ARHGAP42: variants seen among roughly 807,000 people sequenced by gnomAD.
The protein encoded by ARHGAP42 is Rho GTPase activating protein 42.
Under a neutral mutation model 125.0 loss-of-function variants are expected in ARHGAP42, and 63 were observed. That is an observed-to-expected ratio of 0.50 (90% CI 0.41 to 0.62). The LOEUF is 0.62. Ranked by LOEUF, ARHGAP42 falls within the 20% of genes least tolerant of loss-of-function variation. The pLI is 0.00. For missense variants in ARHGAP42, 766 were observed against 1,024.2 expected, an observed-to-expected ratio of 0.75 and a Z score of 3.44; for synonymous variants, 339 against 351.0, an observed-to-expected ratio of 0.97 and a Z score of 0.38.
intron 1 of ARHGAP42, among the ~76,000 whole-genome samples, chr11:100,766,752 A>T (rs184868675): frequency 6.6e-6 from 1 of 152,174 alleles, no homozygotes; most frequent in Non-Finnish European, 1.5e-5. Flanking sequence ...TGACCTCATC[A>T]TTACTTCGGC....
rs140273592 is a variant in ARHGAP42 at position 100,763,573 on chromosome 11, C to T, written c.155-6770C>T. 3.8e-3 allele frequency among the ~76,000 whole-genome samples: 572 copies of T among 152,222 alleles called. 9 individuals are homozygous for T. Among genetic ancestry groups the T allele is most frequent in the Admixed American group, 0.027 (420 of 15,286 alleles). ...CATGATCTTGACTGGCTGCAACCTC[C>T]GCCCCCCGGGTTCAAGCAATTCTCC... is the stretch of plus-strand genomic sequence containing the variant. On this transcript the variant is annotated intron_variant, in intron 1 of 23. Transcript: ENST00000298815.
At chr11:100,770,775 C>A (rs1862955597) in intron 2 of ARHGAP42, among the ~76,000 whole-genome samples, 2 of 152,230 alleles carry the variant, frequency 1.3e-5, no homozygotes, top group Admixed American at 1.3e-4. Context: ...CACAGGATTT[C>A]ACCATTTTGG....
At chr11:100,822,347 G>A (rs1864422859) in intron 3 of ARHGAP42, among the ~76,000 whole-genome samples, 1 of 152,026 alleles carries the variant, frequency 6.6e-6, no homozygotes, top group African/African-American at 2.4e-5. Context: ...GTCCAAATGA[G>A]TTTCTATTGA....
intron 4 of ARHGAP42, among the ~76,000 whole-genome samples, chr11:100,896,585 A>ATCTAGTGATGATCAT (rs1866371488): frequency 6.6e-6 from 1 of 152,126 alleles, no homozygotes; most frequent in Non-Finnish European, 1.5e-5. Context: ...TTCTCTGATG[A>ATCTAGTGATGATCAT]CTAGTGATGA....
In ARHGAP42 at chr11:100,790,423, C is replaced by T. The variant is rs982519473; in HGVS notation, c.251-4682C>T. On this transcript the variant is annotated intron_variant, in intron 2 of 23. Transcript: ENST00000298815. ...AAACCAATGGTAATGTTCTTAAACT[C>T]AATAATTTGTTAGAAAGTTAAAATT... Among the ~76,000 whole-genome samples, 2 of 151,928 alleles carry T rather than the reference C, an allele frequency of 1.3e-5. 1 individual carries two copies. The highest frequency in any genetic ancestry group is 2.9e-5 in the Non-Finnish European group (2 of 67,976).
At chr11:100,907,397 T>C (rs607889) in intron 4 of ARHGAP42, among the ~76,000 whole-genome samples, 138,486 of 152,284 alleles carry the variant, frequency 0.91, 63,137 homozygotes, top group East Asian at 1. Flanking sequence ...TGAGTTTGAT[T>C]ACCTGGTGGT....
At chr11:100,978,882 T>C (rs1289627834) in intron 21 of ARHGAP42, 105 bp from the exon 22 acceptor site, 2 of 1,185,374 alleles carry the variant, frequency 1.7e-6, no homozygotes, top group Non-Finnish European at 2.4e-6. Flanking sequence ...TGGCAATGGT[T>C]CTCAACCATT....
Position 100,992,635 on chromosome 11 carries a change from C to T in ARHGAP42, c.*3834C>T, listed in dbSNP as rs753344919. 5 of 1,612,976 alleles carry T rather than the reference C, an allele frequency of 3.1e-6. No homozygotes were observed. In the Admixed American group the frequency reaches 8.3e-5, roughly 27 times the overall value. Reference sequence around the variant, plus strand: ...TATCCCTCATTGTCACCGTTATCCCCCTGCTTCAAAATGTGCCAGTTCCAC... The same window carrying T: ...TATCCCTCATTGTCACCGTTATCCCTCTGCTTCAAAATGTGCCAGTTCCAC... On this transcript the variant is annotated 3_prime_UTR_variant, in exon 24 of 24. Coordinates refer to ENST00000298815, the MANE Select transcript of ARHGAP42 (RefSeq NM_152432.4).
At chr11:100,762,211 T>A (rs1459652904) in intron 1 of ARHGAP42, among the ~76,000 whole-genome samples, 9 of 152,212 alleles carry the variant, frequency 5.9e-5, no homozygotes, top group African/African-American at 2.2e-4. Context: ...TAAAAATGAA[T>A]GAGACTGCCT....
intron 16 of ARHGAP42, among the ~76,000 whole-genome samples, chr11:100,964,055 A>G (rs1269870842): frequency 6.6e-6 from 1 of 151,950 alleles, no homozygotes; most frequent in African/African-American, 2.4e-5. Flanking sequence ...CTTATATATA[A>G]GAACTCATCT....
chr11:100,900,868 G>A (rs973922853), intron 4 of ARHGAP42, among the ~76,000 whole-genome samples: 4 of 152,198 alleles, frequency 2.6e-5, no homozygotes, highest in Admixed American at 2.0e-4. Flanking sequence ...CGTTATTACC[G>A]ACCTTCTGAA....
At chr11:100,914,570 C>G (rs1867014440) in intron 5 of ARHGAP42, among the ~76,000 whole-genome samples, 1 of 152,126 alleles carries the variant, frequency 6.6e-6, no homozygotes, top group Non-Finnish European at 1.5e-5. Context: ...TCCTCCGCCT[C>G]CTGGTGTACT....
At chr11:100,874,580 C>T (rs1025059992) in intron 4 of ARHGAP42, among the ~76,000 whole-genome samples, 14 of 152,104 alleles carry the variant, frequency 9.2e-5, no homozygotes, top group Non-Finnish European at 1.5e-4. Context: ...CTTCTGGAGC[C>T]CCCGTATTTT....
intron 2 of ARHGAP42, among the ~76,000 whole-genome samples, chr11:100,771,415 T>C (rs528316653): frequency 6.6e-6 from 1 of 152,218 alleles, no homozygotes; most frequent in South Asian, 2.1e-4. Context: ...CTTATAGATG[T>C]GTGGTCCCTT....
chr11:100,775,530 C>G (rs1386630068), intron 2 of ARHGAP42, among the ~76,000 whole-genome samples: 1 of 152,164 alleles, frequency 6.6e-6, no homozygotes, highest in Non-Finnish European at 1.5e-5. Context: ...AGCCTTAAAA[C>G]CTTACTGATA....
chr11:100,963,367 T>C (rs1858008435), intron 16 of ARHGAP42, among the ~76,000 whole-genome samples: 1 of 152,212 alleles, frequency 6.6e-6, no homozygotes, highest in African/African-American at 2.4e-5. Context: ...TTGTAAACCA[T>C]TGAGACTGAA....
intron 4 of ARHGAP42, among the ~76,000 whole-genome samples, chr11:100,870,525 C>G (rs926134392): frequency 6.6e-6 from 1 of 152,166 alleles, no homozygotes; most frequent in African/African-American, 2.4e-5. Flanking sequence ...ACTATTTTTA[C>G]TTATAGGTTC....
intron 1 of ARHGAP42, among the ~76,000 whole-genome samples, chr11:100,705,630 G>A (rs1365101702): frequency 1.3e-5 from 2 of 152,160 alleles, no homozygotes; most frequent in African/African-American, 4.8e-5. Context: ...TTAGACCAGA[G>A]TTATAAATAA....
chr11:100,778,442 G>A (rs1473970389), intron 2 of ARHGAP42, among the ~76,000 whole-genome samples: 1 of 152,074 alleles, frequency 6.6e-6, no homozygotes, highest in Non-Finnish European at 1.5e-5. Context: ...GTGTATTAAA[G>A]TGGAACATTT....
Sources: allele counts gnomAD v4.1 joint callset (sites outside exome capture counted in the v4.1 genomes callset), GRCh38; gene constraint gnomAD v4.1.1; transcripts MANE v1.5; gene names NCBI Gene and HGNC (gene_info 2026-07-23, HGNC 2026-07-21).